The following RIMBP2 variants were observed in gnomAD, a reference collection of about 807,000 sequenced individuals.
RIMBP2 encodes the protein RIMS-binding protein 2.
A neutral mutation model predicts 118.6 loss-of-function variants in RIMBP2; 48 were observed. The observed-to-expected ratio is 0.40, with a 90% CI of 0.32 to 0.51. RIMBP2 has a LOEUF of 0.51. Ranked by LOEUF, RIMBP2 falls within the 20% of genes least tolerant of loss-of-function variation. RIMBP2 has a pLI of 0.41. For synonymous variants in RIMBP2, 762 were observed against 742.9 expected (o/e 1.03, Z -0.42); for missense variants, 1,551 against 1,768.3 (o/e 0.88, Z 2.20).
At chr12:130,502,584 G>A (rs1379822786) in intron 4 of RIMBP2, among the ~76,000 whole-genome samples, 1 of 152,070 alleles carries the variant, frequency 6.6e-6, no homozygotes, top group Admixed American at 6.5e-5. Context: ...TAGGTCTAGG[G>A]AAGCCTCCTG....
chr12:130,639,250 A>G lies in RIMBP2; in HGVS notation c.-351-10794T>C, dbSNP rs1050658559. ...CTAAAAATACAAAAATTAGCCGGGC[A>G]TGGTGGCAGGCACCTGTAATCTCAG... On this transcript the variant is annotated intron_variant, in intron 1 of 22. Coordinates refer to ENST00000690449, the MANE Select transcript of RIMBP2 (RefSeq NM_001393629.1). 2.2e-4 allele frequency among the ~76,000 whole-genome samples: 33 copies of G among 152,022 alleles called. 1 individual carries two copies. Among genetic ancestry groups the G allele is most frequent in the Admixed American group, 2.0e-3 (31 of 15,268 alleles).
At chr12:130,495,450 T>G (rs917252364) in intron 4 of RIMBP2, among the ~76,000 whole-genome samples, 13 of 152,152 alleles carry the variant, frequency 8.5e-5, no homozygotes, top group African/African-American at 3.1e-4. Context: ...CTAACAGACA[T>G]GTGCAGGGTG....
chr12:130,478,555 G>A (rs575571033), intron 5 of RIMBP2, among the ~76,000 whole-genome samples: 1 of 152,026 alleles, frequency 6.6e-6, no homozygotes, highest in Non-Finnish European at 1.5e-5. Context: ...GGGGTGGCAG[G>A]GTCACCTTCT....
intron 4 of RIMBP2, among the ~76,000 whole-genome samples, chr12:130,494,413 C>T (rs1411468059): frequency 6.6e-6 from 1 of 152,074 alleles, no homozygotes; most frequent in Non-Finnish European, 1.5e-5. Flanking sequence ...CCAAGGCAGG[C>T]AGATCACCCG....
chr12:130,441,821 G>A (rs1192816792), intron 11 of RIMBP2, 27 bp downstream of exon 11: 2 of 1,593,428 alleles, frequency 1.3e-6, no homozygotes. Context: ...TCTCCCTGGG[G>A]GACCCACGGA....
intron 1 of RIMBP2, among the ~76,000 whole-genome samples, chr12:130,673,617 A>G (rs2064300712): frequency 6.6e-6 from 1 of 152,194 alleles, no homozygotes; most frequent in African/African-American, 2.4e-5. Flanking sequence ...ATGAAAGGCC[A>G]TTGCAGTAGA....
At chr12:130,477,515 C>T (rs1165023832) in intron 5 of RIMBP2, among the ~76,000 whole-genome samples, 11 of 152,156 alleles carry the variant, frequency 7.2e-5, no homozygotes, top group South Asian at 2.1e-4. Flanking sequence ...ATATCCCTTG[C>T]GGATAACATC....
chr12:130,558,567 A>G (rs2056557557), intron 2 of RIMBP2, among the ~76,000 whole-genome samples: 1 of 152,152 alleles, frequency 6.6e-6, no homozygotes, highest in Non-Finnish European at 1.5e-5. Flanking sequence ...CCCAAAAAAG[A>G]ATGAGGCACG....
intron 4 of RIMBP2, among the ~76,000 whole-genome samples, chr12:130,485,292 T>C (rs918148654): frequency 3.1e-4 from 47 of 152,234 alleles, no homozygotes; most frequent in African/African-American, 1.1e-3. Flanking sequence ...GGCTGAGGGT[T>C]GGGTGCTGTG....
intron 1 of RIMBP2, among the ~76,000 whole-genome samples, chr12:130,646,117 CACCACCT>C (rs2062895208): frequency 2.3e-5 from 3 of 129,454 alleles, no homozygotes; most frequent in Non-Finnish European, 5.1e-5. Flanking sequence ...CCACCTCCCT[CACCACCT>C]GCCTCTCCAC....
intron 2 of RIMBP2, among the ~76,000 whole-genome samples, chr12:130,536,216 G>A (rs1320647321): frequency 3.9e-5 from 6 of 152,134 alleles, no homozygotes; most frequent in Admixed American, 6.6e-5. Flanking sequence ...ATAGGCAGGC[G>A]GAGCTGGGGG....
Position 130,424,210 on chromosome 12 carries a change from T to C in RIMBP2, c.3061A>G (p.Thr1021Ala), listed in dbSNP as rs1053736557. The C allele has an allele frequency of 2.4e-6, 3 of 1,231,842 alleles. No homozygotes were observed. The highest frequency in any genetic ancestry group is 3.0e-6 in the Non-Finnish European group (3 of 987,928). 76.3% of individuals were successfully genotyped at this position (1,231,842 alleles called of 1,614,324 possible). A position where few individuals can be genotyped will look rare whatever the true frequency, so the allele number is the denominator to read the frequency against. ...DFRGVWKKSITMPDSRAAAPH... is the reference protein window; with the variant it reads ...DFRGVWKKSIAMPDSRAAAPH... ...GCAGCTGCCCTACTGTCGGGCATGG[T>C]TATGCTTTTCTTCCAGACACCCCGA... Residue 1021 changes from threonine to alanine, a missense_variant, in exon 16 of 23, where the codon ACC becomes GCC. Thr to Ala is a moderately conservative substitution (Grantham distance 58). Coordinates refer to ENST00000690449, the MANE Select transcript of RIMBP2 (RefSeq NM_001393629.1). The surrounding 1 kb of genome is among the most constrained non-coding windows in gnomAD (Gnocchi z 9.8).
In RIMBP2 at chr12:130,437,110, G is replaced by A. The variant is rs774554162; in HGVS notation, c.1838C>T (p.Ala613Val). Residue 613 changes from alanine (A) to valine (V), a missense_variant, in exon 13 of 23, where the codon GCA (alanine) becomes GTA (valine). Physicochemically the swap from Ala to Val is moderately conservative, Grantham distance 64. Around this residue, in one of 5 missense-constraint regions of RIMBP2, gnomAD observed 1,038 missense variants for 1,125.1 expected, o/e 0.92. Coordinates refer to ENST00000690449, the MANE Select transcript of RIMBP2 (RefSeq NM_001393629.1). Reference protein sequence around the residue: ...LVPPTPHPRPAPQSKPLASSG... With the variant: ...LVPPTPHPRPVPQSKPLASSG... ...ACTTGCTAATGGCTTTGATTGGGGTGCAGGTCTCGGGTGGGGGGTAGGAGG... is the reference window on the plus strand; with the variant it reads ...ACTTGCTAATGGCTTTGATTGGGGTACAGGTCTCGGGTGGGGGGTAGGAGG... 1.2e-5 allele frequency: 19 copies of A among 1,581,062 alleles called. No individual in the cohort carries two copies. The South Asian group carries it at 1.7e-4, about 14-fold the overall frequency.
Position 130,424,098 on chromosome 12 carries a change from T to G in RIMBP2, c.3129+44A>C. 6.8e-6 allele frequency: 7 copies of G among 1,023,790 alleles called. No homozygotes were observed. Among genetic ancestry groups the G allele is most frequent in the South Asian group, 5.0e-5 (1 of 20,172 alleles). 63.4% of individuals were successfully genotyped at this position (1,023,790 alleles called of 1,614,324 possible). On this transcript the variant is annotated intron_variant, in intron 16 of 22. Coordinates refer to ENST00000690449, the MANE Select transcript of RIMBP2 (RefSeq NM_001393629.1). The surrounding 1 kb of genome is among the most constrained non-coding windows in gnomAD (Gnocchi z 9.8). ...AAAACCAGTGAAAGGATGGGACAGA[T>G]TGGTTTGGCAAGCGGCTGTGAAAAG... is the stretch of plus-strand genomic sequence containing the variant.
At chr12:130,476,936 A>G (rs1020778768) in intron 5 of RIMBP2, among the ~76,000 whole-genome samples, 1 of 152,160 alleles carries the variant, frequency 6.6e-6, no homozygotes, top group African/African-American at 2.4e-5. Context: ...CAGTGCAACG[A>G]CCACCCACGT....
intron 3 of RIMBP2, among the ~76,000 whole-genome samples, chr12:130,509,556 G>A (rs2050694979): frequency 6.6e-6 from 1 of 152,194 alleles, no homozygotes; most frequent in African/African-American, 2.4e-5. Flanking sequence ...TGAGCCCTGC[G>A]AGTCCTCCCA....
At chr12:130,521,358 C>T (rs905417616) in intron 2 of RIMBP2, among the ~76,000 whole-genome samples, 9 of 152,286 alleles carry the variant, frequency 5.9e-5, no homozygotes, top group African/African-American at 1.7e-4. Flanking sequence ...CACAACAAAA[C>T]GAGAGTCCCC....
chr12:130,470,474 CCT>C, intron 6 of RIMBP2: 1 of 386,326 alleles, frequency 2.6e-6, no homozygotes, highest in Non-Finnish European at 4.6e-6. Flanking sequence ...AGCTGCTTAA[CCT>C]CTCTGTGCCT....
intron 4 of RIMBP2, among the ~76,000 whole-genome samples, chr12:130,488,905 G>T (rs968890439): frequency 3.3e-5 from 5 of 152,170 alleles, no homozygotes; most frequent in Admixed American, 6.5e-5. Context: ...TGCTTCACCA[G>T]AGGCAGACAA....
Sources: gnomAD v4.1 joint callset for allele counts (sites outside exome capture counted in the v4.1 genomes callset) on GRCh38, gnomAD v4.1.1 for gene constraint, gnomAD v4.1.1 regional missense constraint, Gnocchi (gnomAD v3.1) non-coding constraint, MANE v1.5 for transcripts, NCBI Gene and HGNC (gene_info 2026-07-23, HGNC 2026-07-21) for gene names.